The following PEX13 variants were observed in gnomAD, a reference collection of about 807,000 sequenced individuals.
PEX13 encodes peroxisomal biogenesis factor 13, also known as peroxisome biogenesis factor 13.
A neutral mutation model predicts 34.5 loss-of-function variants in PEX13; 28 were observed. That is an observed-to-expected ratio of 0.81 (90% CI 0.60 to 1.11). PEX13 has a LOEUF of 1.11. PEX13 is among the 50% of genes most tolerant of loss of function. The pLI, the probability that PEX13 is intolerant of heterozygous loss-of-function variation, is 0.00. For synonymous variants in PEX13, 177 were observed against 175.1 expected (o/e 1.01, Z -0.09); for missense variants, 550 against 491.0 (o/e 1.12, Z -1.13).
intron 2 of PEX13, among the ~76,000 whole-genome samples, chr2:61,044,547 C>T (rs911382971): frequency 2.6e-5 from 4 of 152,086 alleles, no homozygotes; most frequent in African/African-American, 4.8e-5. Flanking sequence ...CCACCATGCC[C>T]GGCTAATTTT....
intron 1 of PEX13, among the ~76,000 whole-genome samples, chr2:61,025,046 G>A (rs1680328487): frequency 6.6e-6 from 1 of 151,908 alleles, no homozygotes; most frequent in Non-Finnish European, 1.5e-5. Context: ...GGAGCTCTTT[G>A]TATTATCTGA....
intron 1 of PEX13, among the ~76,000 whole-genome samples, chr2:61,027,485 C>G (rs994526369): frequency 3.9e-5 from 6 of 152,190 alleles, no homozygotes; most frequent in Non-Finnish European, 7.3e-5. Context: ...GTAACTTTCT[C>G]AAAATATTAA....
intron 1 of PEX13, among the ~76,000 whole-genome samples, chr2:61,029,906 ATAAG>A (rs1680422760): frequency 6.6e-6 from 1 of 152,222 alleles, no homozygotes; most frequent in Non-Finnish European, 1.5e-5. Context: ...ACACTACAGT[ATAAG>A]TAATTACATA....
At chr2:61,043,025 C>T (rs565140341) in intron 2 of PEX13, among the ~76,000 whole-genome samples, 1 of 152,294 alleles carries the variant, frequency 6.6e-6, no homozygotes, top group East Asian at 1.9e-4. Flanking sequence ...GTTTGGCCCT[C>T]TTACTCTCTC....
Position 61,038,481 on chromosome 2 carries a change from A to G in PEX13, c.787+6368A>G, listed in dbSNP as rs187789072. The stretch of plus-strand genomic sequence containing the variant: ...CAAATCAATAAATGTAATCCATCAC[A>G]TAAACAGAACCAAAGACAAAAACCA... On this transcript the variant is annotated intron_variant, in intron 2 of 3. Coordinates refer to ENST00000295030, the MANE Select transcript of PEX13 (RefSeq NM_002618.4). Among the ~76,000 whole-genome samples, 11 of 152,362 alleles carry G rather than the reference A, an allele frequency of 7.2e-5. No individual in the cohort carries two copies. In the East Asian group the frequency reaches 1.2e-3, roughly 16 times the overall value.
Position 61,049,555 on chromosome 2 carries a change from C to G in PEX13, c.*785C>G, listed in dbSNP as rs1680761819. The stretch of plus-strand genomic sequence containing the variant: ...TTGGGAGGCTGAGGCGGGCAGATCA[C>G]CTGAGGTTGGGAGTTCAAGACCACC... On this transcript the variant is annotated 3_prime_UTR_variant, in exon 4 of 4. Coordinates refer to ENST00000295030, the MANE Select transcript of PEX13 (RefSeq NM_002618.4). The G allele has an allele frequency of 6.6e-6, 1 of 152,366 alleles. No homozygotes were observed. Among genetic ancestry groups the G allele is most frequent in the African/African-American group, 2.4e-5 (1 of 41,440 alleles). 9.4% of individuals were successfully genotyped at this position (152,366 alleles called of 1,614,324 possible).
chr2:61,040,656 C>T (rs1463925842), intron 2 of PEX13, among the ~76,000 whole-genome samples: 2 of 151,584 alleles, frequency 1.3e-5, no homozygotes, highest in Non-Finnish European at 2.9e-5. Flanking sequence ...TTGATGGGTG[C>T]AGCAAACCAA....
chr2:61,018,117 A>T (rs1047579109), intron 1 of PEX13: 2 of 1,546,826 alleles, frequency 1.3e-6, no homozygotes. Flanking sequence ...CTTGAAAGAA[A>T]GGGGGGCGGC....
chr2:61,018,032 G>C, intron 1 of PEX13, 181 bp downstream of exon 1: 1 of 1,424,280 alleles, frequency 7.0e-7, no homozygotes, highest in Admixed American at 2.4e-5. Flanking sequence ...GTGTCTCACA[G>C]CTGTTTCTGA....
Position 61,036,452 on chromosome 2 carries a change from A to C in PEX13, c.787+4339A>C, listed in dbSNP as rs189166972. ...GCTCTCAGCAGAAACCCTACAAGCC[A>C]GAAGACAGTGGGAGCCAATATTCAA... is the stretch of plus-strand genomic sequence containing the variant. On this transcript the variant is annotated intron_variant, in intron 2 of 3. Coordinates refer to ENST00000295030, the MANE Select transcript of PEX13 (RefSeq NM_002618.4). 1.6e-4 allele frequency among the ~76,000 whole-genome samples: 25 copies of C among 152,360 alleles called. No individual in the cohort carries two copies. In the East Asian group the frequency reaches 4.4e-3, roughly 27 times the overall value.
At chr2:61,028,658 A>G (rs530942466) in intron 1 of PEX13, among the ~76,000 whole-genome samples, 1 of 148,272 alleles carries the variant, frequency 6.7e-6, no homozygotes, top group Non-Finnish European at 1.5e-5. Flanking sequence ...AAGTGCTGGG[A>G]TTACAGGCAT....
At chr2:61,023,671 A>G (rs1680303459) in intron 1 of PEX13, among the ~76,000 whole-genome samples, 1 of 151,902 alleles carries the variant, frequency 6.6e-6, no homozygotes, top group Non-Finnish European at 1.5e-5. Flanking sequence ...TTAGTTAGCA[A>G]GAAGTCTAGA....
At chr2:61,026,611 G>T (rs2104799644) in intron 1 of PEX13, among the ~76,000 whole-genome samples, 1 of 151,052 alleles carries the variant, frequency 6.6e-6, no homozygotes, top group African/African-American at 2.4e-5. Context: ...CTCCCAAAGT[G>T]CTGGGATTGC....
rs1243885269 is a variant in PEX13 at position 61,032,061 on chromosome 2, T to C, written c.735T>C (p.Gly245=). The C allele has an allele frequency of 3.7e-6, 6 of 1,613,684 alleles. No individual in the cohort carries two copies. The African/African-American group carries it at 6.7e-5, about 18-fold the overall frequency. ...TCTTGTTCTTTGCTGTTATCCTTGG[T>C]GGTCCTTACCTCATTTGGAAACTAT... ...PIFLFFAVIL[G]GPYLIWKLLS... The change falls in exon 2 of 4, where the codon GGT becomes GGC. Residue 245 remains glycine, a synonymous_variant. Transcript: ENST00000295030.
chr2:61,024,719 G>C (rs1025547257), intron 1 of PEX13, among the ~76,000 whole-genome samples: 4 of 152,174 alleles, frequency 2.6e-5, no homozygotes, highest in Admixed American at 2.6e-4. Flanking sequence ...TGAGGCCGGA[G>C]AATGGTATGA....
At chr2:61,022,110 G>T (rs184817690) in intron 1 of PEX13, among the ~76,000 whole-genome samples, 2 of 152,228 alleles carry the variant, frequency 1.3e-5, no homozygotes, top group African/African-American at 4.8e-5. Flanking sequence ...AAAAATCAGA[G>T]CACCTCATCT....
rs1002404807 is a variant in PEX13, at chr2:61,051,969, A to G, written c.*3199A>G. On this transcript the variant is annotated 3_prime_UTR_variant, in exon 4 of 4. Coordinates refer to ENST00000295030, the MANE Select transcript of PEX13 (RefSeq NM_002618.4). Reference sequence around the variant, plus strand: ...GTTGTGAAGTTACTTTTACTGGAGAAATAAAAATATGTTAAACTTGATTGA... The same window carrying G: ...GTTGTGAAGTTACTTTTACTGGAGAGATAAAAATATGTTAAACTTGATTGA... 2.0e-5 allele frequency: 3 copies of G among 152,380 alleles called. No homozygotes were observed. The highest frequency in any genetic ancestry group is 4.8e-5 in the African/African-American group (2 of 41,466). The allele number at this position is 152,380 out of a possible 1,614,324, so 9.4% of individuals were successfully genotyped here. A position where few individuals can be genotyped will look rare whatever the true frequency, so the allele number is the denominator to read the frequency against.
intron 3 of PEX13, among the ~76,000 whole-genome samples, chr2:61,047,699 G>T (rs1413942356): frequency 6.6e-6 from 1 of 152,054 alleles, no homozygotes; most frequent in Non-Finnish European, 1.5e-5. Context: ...AGTATGTTTG[G>T]GCCTTTGGAA....
At chr2:61,028,810 A>G (rs765589924) in intron 1 of PEX13, among the ~76,000 whole-genome samples, 12 of 152,226 alleles carry the variant, frequency 7.9e-5, no homozygotes, top group Non-Finnish European at 1.5e-4. Flanking sequence ...GCAGTGTGTG[A>G]GCCTTAATTG....
Sources: gnomAD v4.1 joint callset for allele counts (sites outside exome capture counted in the v4.1 genomes callset) on GRCh38, gnomAD v4.1.1 for gene constraint, MANE v1.5 for transcripts, NCBI Gene and HGNC (gene_info 2026-07-23, HGNC 2026-07-21) for gene names.